The following GALNT3 variants were observed in gnomAD, a reference collection of about 807,000 sequenced individuals.
The protein encoded by GALNT3 is GalNAc transferase 3.
GALNT3 carries 51 observed loss-of-function variants against 69.8 expected under a neutral mutation model. That is an observed-to-expected ratio of 0.73 (90% CI 0.58 to 0.92). The LOEUF (loss-of-function observed/expected upper bound fraction) is 0.92, where lower values mean the gene tolerates loss of function less well. Ranked by LOEUF, GALNT3 falls within the 40% of genes least tolerant of loss-of-function variation. GALNT3 has a pLI of 0.00. For missense variants in GALNT3, 711 were observed against 760.0 expected, an observed-to-expected ratio of 0.94 and a Z score of 0.76; for synonymous variants, 265 against 248.5, an observed-to-expected ratio of 1.07 and a Z score of -0.63.
At chr2:165,769,659 C>T (rs1486833165) in intron 2 of GALNT3, among the ~76,000 whole-genome samples, 2 of 151,508 alleles carry the variant, frequency 1.3e-5, no homozygotes, top group African/African-American at 2.4e-5. Context: ...GGATTGTTTA[C>T]AAAAAATAGG....
chr2:165,766,611 G>A (rs942066558), intron 2 of GALNT3, among the ~76,000 whole-genome samples: 1 of 64,270 alleles, frequency 1.6e-5, no homozygotes, highest in Non-Finnish European at 5.0e-5. Flanking sequence ...TTATGGGAAA[G>A]ATAAGCAAAT....
intron 2 of GALNT3, among the ~76,000 whole-genome samples, chr2:165,769,734 T>G (rs1169587837): frequency 6.6e-6 from 1 of 152,196 alleles, no homozygotes; most frequent in Admixed American, 6.5e-5. Flanking sequence ...GTCTGTGAAT[T>G]GCTTTACACA....
intron 7 of GALNT3, among the ~76,000 whole-genome samples, chr2:165,756,739 A>G (rs1269563767): frequency 6.6e-6 from 1 of 152,158 alleles, no homozygotes; most frequent in Non-Finnish European, 1.5e-5. Flanking sequence ...TTTAGGTGTT[A>G]TATCTCCTAA....
intron 10 of GALNT3, among the ~76,000 whole-genome samples, chr2:165,749,388 A>G (rs1688315772): frequency 6.6e-6 from 1 of 152,134 alleles, no homozygotes; most frequent in Admixed American, 6.6e-5. Context: ...ACTTCAAGTG[A>G]GAAGATATAA....
chr2:165,749,270 G>C (rs2105398138), intron 10 of GALNT3, among the ~76,000 whole-genome samples: 1 of 152,206 alleles, frequency 6.6e-6, no homozygotes, highest in Admixed American at 6.5e-5. Flanking sequence ...GAATTGCTAT[G>C]ATACAGCTAA....
intron 9 of GALNT3, among the ~76,000 whole-genome samples, chr2:165,753,461 A>C (rs890184048): frequency 6.6e-6 from 1 of 151,710 alleles, no homozygotes; most frequent in African/African-American, 2.4e-5. Flanking sequence ...GTGGACACCC[A>C]GTCTCATTCA....
At chr2:165,749,640 C>CTGAT in intron 10 of GALNT3, 102 bp downstream of exon 10, 1 of 1,024,904 alleles carries the variant, frequency 9.8e-7, no homozygotes, top group Admixed American at 1.7e-5. Context: ...GAGAGAAATT[C>CTGAT]TGATAGATAA....
chr2:165,755,145 T>TA, intron 7 of GALNT3, 82 bp from the exon 8 acceptor site: 1 of 1,255,204 alleles, frequency 8.0e-7, no homozygotes, highest in Admixed American at 1.8e-5. Flanking sequence ...TTTGTATTTC[T>TA]ATTTAGGTAT....
rs143396063 is a variant in GALNT3, at chr2:165,757,186, C to T, written c.1253G>A (p.Arg418His). The T allele has an allele frequency of 3.2e-5, 52 of 1,614,034 alleles. No homozygotes were observed. Among genetic ancestry groups the T allele is most frequent in the Admixed American group, 5.0e-5 (3 of 60,006 alleles). The change falls in exon 7 of 11, where the codon CGC (arginine) becomes CAC (histidine). Residue 418 changes from arginine to histidine, a missense_variant. Physicochemically the swap from Arg to His is conservative, Grantham distance 29 (BLOSUM62 0). Transcript: ENST00000392701. ...MPCSVVGHVF[R>H]SKSPHSFPKG... ...TGGAAAGCTATGAGGGCTTTTGCTGCGAAAAACATGTCCAACAACAGAGCA... is the reference window on the plus strand; with the variant it reads ...TGGAAAGCTATGAGGGCTTTTGCTGTGAAAAACATGTCCAACAACAGAGCA...
At chr2:165,769,909 T>A (rs528420145) in intron 2 of GALNT3, among the ~76,000 whole-genome samples, 118 of 152,278 alleles carry the variant, frequency 7.7e-4, no homozygotes, top group African/African-American at 2.5e-3. Context: ...TATTTAGGAA[T>A]AAAGAATTTC....
chr2:165,791,974 A>C (rs2105236128), intron 1 of GALNT3, among the ~76,000 whole-genome samples: 1 of 152,316 alleles, frequency 6.6e-6, no homozygotes, highest in Middle Eastern at 3.4e-3. Flanking sequence ...ATGAAAGAAA[A>C]AAGATAAACA....
intron 1 of GALNT3, among the ~76,000 whole-genome samples, chr2:165,791,515 C>G (rs1320087867): frequency 2.0e-5 from 3 of 151,992 alleles, no homozygotes; most frequent in Non-Finnish European, 2.9e-5. Context: ...TATATACACT[C>G]ACATTGGAGT....
At chr2:165,767,018 A>G (rs1288988499) in intron 2 of GALNT3, among the ~76,000 whole-genome samples, 1 of 152,210 alleles carries the variant, frequency 6.6e-6, no homozygotes, top group African/African-American at 2.4e-5. Flanking sequence ...GCATGGGCGG[A>G]AAAAATAAGC....
At chr2:165,786,939 T>C (rs1233726382) in intron 1 of GALNT3, among the ~76,000 whole-genome samples, 3 of 152,220 alleles carry the variant, frequency 2.0e-5, no homozygotes, top group East Asian at 3.8e-4. Context: ...GTACTTATTA[T>C]GAGAATAAAT....
intron 1 of GALNT3, among the ~76,000 whole-genome samples, chr2:165,793,259 G>A (rs1574023115): frequency 1.3e-5 from 2 of 152,128 alleles, no homozygotes; most frequent in Non-Finnish European, 2.9e-5. Context: ...CCATAGCCGC[G>A]ATATGCAGGT....
chr2:165,780,033 C>T (rs1214798061), intron 1 of GALNT3, among the ~76,000 whole-genome samples: 4 of 152,090 alleles, frequency 2.6e-5, no homozygotes, highest in Non-Finnish European at 5.9e-5. Context: ...GCTGGCTGAT[C>T]CCCGCAGGGG....
chr2:165,758,940 T>C (rs998362369), intron 5 of GALNT3, 76 bp from the exon 6 acceptor site: 3 of 924,580 alleles, frequency 3.2e-6, no homozygotes, highest in Admixed American at 3.6e-5. Flanking sequence ...GAACTGAAGT[T>C]AAAAAATTAA....
At chr2:165,766,197 T>TA (rs916031336) in intron 2 of GALNT3, among the ~76,000 whole-genome samples, 40 of 152,228 alleles carry the variant, frequency 2.6e-4, no homozygotes, top group African/African-American at 6.5e-4. Context: ...GACTAGCGTT[T>TA]AAAAAAACCC....
chr2:165,774,326 A>G (rs1559003783), intron 1 of GALNT3, among the ~76,000 whole-genome samples: 2 of 152,202 alleles, frequency 1.3e-5, no homozygotes, highest in Non-Finnish European at 2.9e-5. Context: ...TGGACTCCCT[A>G]TTTTGACAGA....
Sources: gnomAD v4.1 joint callset for allele counts (sites outside exome capture counted in the v4.1 genomes callset) on GRCh38, gnomAD v4.1.1 for gene constraint, MANE v1.5 for transcripts, NCBI Gene and HGNC (gene_info 2026-07-23, HGNC 2026-07-21) for gene names.